Variants in GRIA2 observed in about 807,000 individuals in gnomAD.
The protein encoded by GRIA2 is glutamate ionotropic receptor AMPA type subunit 2.
In GRIA2, 14 loss-of-function variants were observed where a neutral mutation model predicts 97.3. That is an observed-to-expected ratio of 0.14 (90% CI 0.10 to 0.23). The LOEUF (loss-of-function observed/expected upper bound fraction) is 0.23, where lower values mean the gene tolerates loss of function less well. GRIA2 is among the 10% of genes least tolerant of loss of function. The pLI, the probability that GRIA2 is intolerant of heterozygous loss-of-function variation, is 1.00. For missense variants in GRIA2, 558 were observed against 1,069.8 expected (o/e 0.52, Z 6.67); for synonymous variants, 412 against 387.8 (o/e 1.06, Z -0.73).
At chr4:157,278,110 C>A (rs1732430476) in intron 2 of GRIA2, among the ~76,000 whole-genome samples, 1 of 151,378 alleles carries the variant, frequency 6.6e-6, no homozygotes, top group Non-Finnish European at 1.5e-5. Flanking sequence ...TAGGTATTAA[C>A]AAACTTATTT....
chr4:157,312,320 A>G (rs1734117766), intron 3 of GRIA2, among the ~76,000 whole-genome samples: 1 of 152,112 alleles, frequency 6.6e-6, no homozygotes, highest in Non-Finnish European at 1.5e-5. Context: ...TCCATTCTGT[A>G]AGAGTAAGAA....
chr4:157,226,465 G>A (rs1464163778), intron 2 of GRIA2, among the ~76,000 whole-genome samples: 2 of 152,014 alleles, frequency 1.3e-5, no homozygotes, highest in Non-Finnish European at 2.9e-5. Context: ...AGAATAGATT[G>A]TAAATGCTCT....
At chr4:157,220,187 C>T (rs1434757600), upstream of GRIA2, 1 of 152,154 alleles carries the variant, frequency 6.6e-6, no homozygotes, top group Non-Finnish European at 1.5e-5. Flanking sequence ...AATGGGTTTT[C>T]ACAGGAGATG....
chr4:157,357,343 G>T (rs1035776299), intron 12 of GRIA2, among the ~76,000 whole-genome samples: 1 of 152,042 alleles, frequency 6.6e-6, no homozygotes, highest in Non-Finnish European at 1.5e-5. Flanking sequence ...GGCTAAATAT[G>T]TTCAAACAAT....
chr4:157,229,831 A>G (rs558450251), intron 2 of GRIA2, among the ~76,000 whole-genome samples: 3 of 152,238 alleles, frequency 2.0e-5, no homozygotes, highest in East Asian at 3.9e-4. Context: ...GATAAATGCT[A>G]TGATGTTTAC....
chr4:157,279,766 A>C (rs1028025389), intron 2 of GRIA2, among the ~76,000 whole-genome samples: 4 of 152,174 alleles, frequency 2.6e-5, no homozygotes, highest in Non-Finnish European at 5.9e-5. Context: ...CCTAGAAGGC[A>C]TCTGATGCCT....
intron 9 of GRIA2, chr4:157,334,886 C>T (rs1560771576): frequency 6.6e-6 from 1 of 152,004 alleles, no homozygotes; most frequent in South Asian, 2.1e-4. Flanking sequence ...TGAATTAAAA[C>T]ATTAGTAGGC....
At chr4:157,353,064 C>G (rs1487120939) in intron 12 of GRIA2, among the ~76,000 whole-genome samples, 1 of 151,780 alleles carries the variant, frequency 6.6e-6, no homozygotes, top group Non-Finnish European at 1.5e-5. Flanking sequence ...TCTCAAAAAA[C>G]AAAACAGGCC....
intron 6 of GRIA2, among the ~76,000 whole-genome samples, chr4:157,324,436 T>C (rs1734716640): frequency 6.6e-6 from 1 of 152,164 alleles, no homozygotes. Flanking sequence ...GCAAATATAA[T>C]AGACTGATAA....
intron 2 of GRIA2, among the ~76,000 whole-genome samples, chr4:157,268,926 G>T (rs900842820): frequency 4.6e-5 from 7 of 152,038 alleles, no homozygotes; most frequent in African/African-American, 1.7e-4. Context: ...GTATGGGCAT[G>T]GGTTGGAGAG....
rs573337385 is a variant in GRIA2 at position 157,243,318 on chromosome 4, T to C, written c.229+21511T>C. 1.8e-4 allele frequency among the ~76,000 whole-genome samples: 28 copies of C among 152,242 alleles called. No individual in the cohort carries two copies. The East Asian group carries it at 5.4e-3, about 29-fold the overall frequency. On this transcript the variant is annotated intron_variant, in intron 2 of 15. Coordinates refer to ENST00000264426, the MANE Select transcript of GRIA2 (RefSeq NM_001083619.3). ...AAAACAGATAGCTTTTTATTTATTT[T>C]AGAAATCTGATAGAGTTTAAAGGAT...
At chr4:157,259,696 T>C (rs2126764609) in intron 2 of GRIA2, among the ~76,000 whole-genome samples, 1 of 152,260 alleles carries the variant, frequency 6.6e-6, no homozygotes, top group South Asian at 2.1e-4. Flanking sequence ...AGTCTTCCAC[T>C]GCTGTTCCTA....
chr4:157,345,397 A>G (rs1426345779), intron 12 of GRIA2, among the ~76,000 whole-genome samples: 1 of 152,026 alleles, frequency 6.6e-6, no homozygotes, highest in East Asian at 1.9e-4. Context: ...ATAAAGTCTG[A>G]ATCATTTTGG....
At chr4:157,256,085 C>T (rs148750293) in intron 2 of GRIA2, among the ~76,000 whole-genome samples, 27 of 142,860 alleles carry the variant, frequency 1.9e-4, no homozygotes, top group African/African-American at 6.4e-4. Context: ...CTATAGGTAC[C>T]AATAAAATGT....
At chr4:157,228,194 C>A (rs1199578011) in intron 2 of GRIA2, among the ~76,000 whole-genome samples, 1 of 152,114 alleles carries the variant, frequency 6.6e-6, no homozygotes, top group Non-Finnish European at 1.5e-5. Flanking sequence ...TAGTTATTTA[C>A]CTATTCAACA....
At chr4:157,320,107 C>T (rs62331553) in intron 5 of GRIA2, among the ~76,000 whole-genome samples, 11,015 of 151,926 alleles carry the variant, frequency 0.073, 523 homozygotes, top group Non-Finnish European at 0.1. Context: ...CATGGAAGCA[C>T]TGGAAAAAAT....
intron 6 of GRIA2, among the ~76,000 whole-genome samples, chr4:157,332,041 A>G (rs991048936): frequency 6.6e-6 from 1 of 152,068 alleles, no homozygotes; most frequent in Non-Finnish European, 1.5e-5. Context: ...GTCAAAATGT[A>G]GTTAATCATT....
chr4:157,239,227 TG>T (rs1443373303), intron 2 of GRIA2, among the ~76,000 whole-genome samples: 4 of 152,156 alleles, frequency 2.6e-5, no homozygotes, highest in African/African-American at 4.8e-5. Flanking sequence ...AACTGTGTAT[TG>T]GTGAATATTA....
intron 2 of GRIA2, among the ~76,000 whole-genome samples, chr4:157,231,011 G>A (rs973835923): frequency 6.6e-6 from 1 of 151,762 alleles, no homozygotes; most frequent in Non-Finnish European, 1.5e-5. Context: ...ATGCCATCAC[G>A]CTGAGCTAAT....
Sources: gnomAD v4.1 joint callset for allele counts (sites outside exome capture counted in the v4.1 genomes callset) on GRCh38, gnomAD v4.1.1 for gene constraint, MANE v1.5 for transcripts, NCBI Gene and HGNC (gene_info 2026-07-23, HGNC 2026-07-21) for gene names.